The following PTPRD variants were observed in gnomAD, a reference collection of about 807,000 sequenced individuals.
PTPRD encodes the protein protein tyrosine phosphatase receptor type D.
Under a neutral mutation model 214.5 loss-of-function variants are expected in PTPRD, and 34 were observed. The observed-to-expected ratio is 0.16, with a 90% CI of 0.12 to 0.21. PTPRD has a LOEUF of 0.21. PTPRD is among the 10% of genes least tolerant of loss of function. The probability of loss-of-function intolerance (pLI) is 1.00; values close to 1 mark genes in which losing one functional copy is unlikely to be tolerated. For missense variants in PTPRD, 2,545 were observed against 2,398.7 expected, an observed-to-expected ratio of 1.06 and a Z score of -1.27; for synonymous variants, 1,128 against 845.7, an observed-to-expected ratio of 1.33 and a Z score of -5.79.
At chr9:10,507,822 G>A (rs1181543638) in intron 2 of PTPRD, among the ~76,000 whole-genome samples, 1 of 152,112 alleles carries the variant, frequency 6.6e-6, no homozygotes, top group Non-Finnish European at 1.5e-5. Flanking sequence ...AGACTTAAAT[G>A]TTAGACCTAA....
intron 22 of PTPRD, 54 bp from the exon 23 acceptor site, chr9:8,504,459 T>C: frequency 6.3e-7 from 1 of 1,592,180 alleles, no homozygotes; most frequent in Admixed American, 1.7e-5. Flanking sequence ...GCAAATACTT[T>C]TTAATCATAC....
chr9:8,702,296 C>CT (rs1332782980), intron 12 of PTPRD, among the ~76,000 whole-genome samples: 1 of 150,652 alleles, frequency 6.6e-6, no homozygotes, highest in African/African-American at 2.4e-5. Flanking sequence ...GGTTTCTGGG[C>CT]TTTTACTTGA....
intron 11 of PTPRD, among the ~76,000 whole-genome samples, chr9:8,943,447 A>G (rs981520438): frequency 9.2e-5 from 14 of 152,014 alleles, no homozygotes; most frequent in African/African-American, 3.4e-4. Flanking sequence ...ATGGAACAGA[A>G]CAGAGAACCC....
At chr9:9,742,627 C>G (rs979680143) in intron 6 of PTPRD, among the ~76,000 whole-genome samples, 1 of 150,664 alleles carries the variant, frequency 6.6e-6, no homozygotes, top group Admixed American at 6.8e-5. Context: ...GAGCCATATT[C>G]TTTATCAACC....
intron 2 of PTPRD, among the ~76,000 whole-genome samples, chr9:10,470,670 T>C (rs1396546968): frequency 1.3e-5 from 2 of 152,094 alleles, no homozygotes; most frequent in East Asian, 1.9e-4. Context: ...CTTTGGTTAA[T>C]AATAGCTCCC....
At chr9:10,492,963 CAAAT>C (rs757931058) in intron 2 of PTPRD, among the ~76,000 whole-genome samples, 2 of 151,938 alleles carry the variant, frequency 1.3e-5, no homozygotes, top group Non-Finnish European at 2.9e-5. Context: ...AAATAATAGA[CAAAT>C]AGCCACATAA....
intron 2 of PTPRD, among the ~76,000 whole-genome samples, chr9:10,421,816 T>A (rs1006374091): frequency 2.6e-5 from 4 of 151,780 alleles, no homozygotes; most frequent in Non-Finnish European, 5.9e-5. Context: ...GTTAATATAT[T>A]TCTATTTTTA....
At chr9:10,246,825 C>T (rs1156775317) in intron 3 of PTPRD, among the ~76,000 whole-genome samples, 3 of 149,048 alleles carry the variant, frequency 2.0e-5, no homozygotes. Flanking sequence ...ACCTGGGAGG[C>T]TGAGGTTGCA....
chr9:8,341,326 G>C, intron 40 of PTPRD, 58 bp from the exon 41 acceptor site: 1 of 1,501,970 alleles, frequency 6.7e-7, no homozygotes, highest in South Asian at 1.4e-5. Context: ...TTCACCTACA[G>C]TTTGAATGCA....
intron 12 of PTPRD, among the ~76,000 whole-genome samples, chr9:8,670,570 T>C (rs1024869528): frequency 6.6e-6 from 1 of 152,216 alleles, no homozygotes; most frequent in Non-Finnish European, 1.5e-5. Context: ...GCTATCTATA[T>C]GTTTCTATAT....
intron 12 of PTPRD, among the ~76,000 whole-genome samples, chr9:8,723,565 G>A (rs989197329): frequency 5.3e-5 from 8 of 152,136 alleles, no homozygotes; most frequent in East Asian, 1.9e-4. Flanking sequence ...GTAGTCATGC[G>A]CTGAATGAAA....
At chr9:9,184,969 G>C (rs530952394) in intron 9 of PTPRD, among the ~76,000 whole-genome samples, 1 of 152,130 alleles carries the variant, frequency 6.6e-6, no homozygotes, top group East Asian at 1.9e-4. Flanking sequence ...TTGTTTAAGA[G>C]CTCACAGCAA....
At chr9:10,465,353 T>A (rs1167501383) in intron 2 of PTPRD, among the ~76,000 whole-genome samples, 1 of 152,152 alleles carries the variant, frequency 6.6e-6, no homozygotes, top group Non-Finnish European at 1.5e-5. Flanking sequence ...TTCATAACAT[T>A]TTTTTGAGTC....
chr9:9,110,588 C>A (rs1214186411), intron 10 of PTPRD, among the ~76,000 whole-genome samples: 1 of 152,116 alleles, frequency 6.6e-6, no homozygotes, highest in East Asian at 1.9e-4. Context: ...ACCAGAGGCT[C>A]AAGTCAGAAA....
intron 4 of PTPRD, among the ~76,000 whole-genome samples, chr9:10,032,809 A>T (rs2097107271): frequency 6.6e-6 from 1 of 151,994 alleles, no homozygotes; most frequent in Non-Finnish European, 1.5e-5. Context: ...CTTTTTTGTT[A>T]TATCTTTTTA....
At chr9:8,589,280 T>A (rs1047294982) in intron 14 of PTPRD, among the ~76,000 whole-genome samples, 1 of 152,148 alleles carries the variant, frequency 6.6e-6, no homozygotes, top group African/African-American at 2.4e-5. Flanking sequence ...CTCAGATAAG[T>A]ACAAATTTTA....
intron 11 of PTPRD, among the ~76,000 whole-genome samples, chr9:8,814,998 G>A (rs2096891140): frequency 6.6e-6 from 1 of 152,048 alleles, no homozygotes; most frequent in Non-Finnish European, 1.5e-5. Context: ...AATAAATGCT[G>A]TTCTCAACTA....
chr9:8,342,763 C>T (rs148592092), intron 39 of PTPRD, among the ~76,000 whole-genome samples: 2,026 of 152,022 alleles, frequency 0.013, 36 homozygotes, highest in African/African-American at 0.047. Context: ...ATAGGGGATA[C>T]GACATAAAGA....
At chr9:9,964,770 T>G (rs1275474556) in intron 4 of PTPRD, among the ~76,000 whole-genome samples, 1 of 152,176 alleles carries the variant, frequency 6.6e-6, no homozygotes, top group East Asian at 1.9e-4. Context: ...TGTTCAAAAG[T>G]GAAAACATTT....
Sources: allele counts gnomAD v4.1 joint callset (sites outside exome capture counted in the v4.1 genomes callset), GRCh38; gene constraint gnomAD v4.1.1; transcripts MANE v1.5; gene names NCBI Gene and HGNC (gene_info 2026-07-23, HGNC 2026-07-21).